Variants in SDC2 observed in about 807,000 individuals in gnomAD.
SDC2 encodes the protein syndecan 2.
In SDC2, 13 loss-of-function variants were observed where a neutral mutation model predicts 22.2. That is an observed-to-expected ratio of 0.59 (90% CI 0.38 to 0.93). SDC2 has a LOEUF of 0.93. Ranked by LOEUF, SDC2 falls within the 40% of genes least tolerant of loss-of-function variation. SDC2 has a pLI of 0.00. For synonymous variants in SDC2, 94 were observed against 92.8 expected (o/e 1.01, Z -0.07); for missense variants, 235 against 246.8 (o/e 0.95, Z 0.32).
intron 1 of SDC2, among the ~76,000 whole-genome samples, chr8:96,535,606 T>C (rs927122949): frequency 6.6e-6 from 1 of 152,194 alleles, no homozygotes; most frequent in African/African-American, 2.4e-5. Context: ...GGAATTCCTG[T>C]GATTTTAGGG....
chr8:96,511,281 T>A (rs1039876233), intron 1 of SDC2, among the ~76,000 whole-genome samples: 6 of 152,170 alleles, frequency 3.9e-5, no homozygotes, highest in Non-Finnish European at 8.8e-5. Flanking sequence ...GATTCCAGTG[T>A]TCAGTCAGGA....
chr8:96,555,354 A>G (rs1165275263), intron 1 of SDC2, among the ~76,000 whole-genome samples: 1 of 152,160 alleles, frequency 6.6e-6, no homozygotes, highest in African/African-American at 2.4e-5. Context: ...GATTTGAACA[A>G]ATTAGGAATC....
chr8:96,538,514 G>A (rs2130505443), intron 1 of SDC2, among the ~76,000 whole-genome samples: 1 of 97,544 alleles, frequency 1.0e-5, no homozygotes. Flanking sequence ...AGCATATAGA[G>A]GTATTTTTTT....
chr8:96,548,946 G>A lies in SDC2; in HGVS notation c.61-44534G>A, dbSNP rs550560953. On this transcript the variant is annotated intron_variant, in intron 1 of 4. Transcript: ENST00000302190. ...CTTCCTAGAGCATTCTAGAAAACAG[G>A]GTACACGTGGAGTAGATGCCATATT... Among the ~76,000 whole-genome samples the A allele has an allele frequency of 9.2e-5, 14 of 152,268 alleles. No homozygotes were observed. The South Asian group carries it at 2.9e-3, about 32-fold the overall frequency.
At chr8:96,582,273 G>A (rs542910094) in intron 1 of SDC2, among the ~76,000 whole-genome samples, 1 of 151,394 alleles carries the variant, frequency 6.6e-6, no homozygotes, top group South Asian at 2.1e-4. Flanking sequence ...AGAACCCAGG[G>A]CTATGAGTCT....
intron 1 of SDC2, among the ~76,000 whole-genome samples, chr8:96,504,231 G>A (rs1255745742): frequency 6.6e-6 from 1 of 152,188 alleles, no homozygotes; most frequent in African/African-American, 2.4e-5. Flanking sequence ...ACATGTTTAG[G>A]AACCAAAAGG....
intron 1 of SDC2, among the ~76,000 whole-genome samples, chr8:96,541,668 C>A (rs1391720484): frequency 1.4e-5 from 2 of 146,166 alleles, no homozygotes; most frequent in African/African-American, 4.9e-5. Flanking sequence ...GCAGAAAGTA[C>A]AATGGCGGCT....
intron 2 of SDC2, among the ~76,000 whole-genome samples, chr8:96,595,268 C>T (rs1431372237): frequency 6.6e-6 from 1 of 152,154 alleles, no homozygotes; most frequent in African/African-American, 2.4e-5. Flanking sequence ...TCAGTTGTGT[C>T]TTTGGTAGAA....
intron 1 of SDC2, among the ~76,000 whole-genome samples, chr8:96,574,030 C>T (rs1004739496): frequency 6.7e-6 from 1 of 149,520 alleles, no homozygotes; most frequent in Non-Finnish European, 1.5e-5. Context: ...GCCCTCTGCA[C>T]CCCCTCCCCT....
chr8:96,607,945 A>T (rs1376533089), intron 3 of SDC2, among the ~76,000 whole-genome samples: 3 of 152,136 alleles, frequency 2.0e-5, no homozygotes, highest in Non-Finnish European at 4.4e-5. Context: ...TGTGTAGTTC[A>T]GAAGTGAAGG....
At chr8:96,579,951 G>T (rs536295234) in intron 1 of SDC2, among the ~76,000 whole-genome samples, 1 of 152,176 alleles carries the variant, frequency 6.6e-6, no homozygotes, top group Admixed American at 6.5e-5. Context: ...AAAGGGAAAA[G>T]AATCAATATT....
chr8:96,539,026 G>C lies in SDC2; in HGVS notation c.60+44695G>C, dbSNP rs537481165. Among the ~76,000 whole-genome samples the C allele has an allele frequency of 3.9e-5, 6 of 152,338 alleles. No homozygotes were observed. The East Asian group carries it at 5.8e-4, about 15-fold the overall frequency. On this transcript the variant is annotated intron_variant, in intron 1 of 4. Transcript: ENST00000302190. ...TAGGGTGTATTCCTTTAATCTGTATGTGTTGGGAAATGATTTGTGTGTCTG... is the reference window on the plus strand; with the variant it reads ...TAGGGTGTATTCCTTTAATCTGTATCTGTTGGGAAATGATTTGTGTGTCTG...
chr8:96,521,985 A>G (rs1229168735), intron 1 of SDC2, among the ~76,000 whole-genome samples: 1 of 152,192 alleles, frequency 6.6e-6, no homozygotes, highest in Non-Finnish European at 1.5e-5. Context: ...TAATTATGAG[A>G]TTTTAAATTG....
chr8:96,606,459 T>C (rs529660022), intron 3 of SDC2, among the ~76,000 whole-genome samples: 1 of 152,310 alleles, frequency 6.6e-6, no homozygotes, highest in African/African-American at 2.4e-5. Flanking sequence ...TGAATGGGAC[T>C]TCTCTAATCC....
intron 1 of SDC2, among the ~76,000 whole-genome samples, chr8:96,510,112 A>T (rs1813305836): frequency 6.6e-6 from 1 of 152,202 alleles, no homozygotes; most frequent in Admixed American, 6.5e-5. Context: ...GGTTACAGAA[A>T]AGCATGTTTG....
intron 1 of SDC2, among the ~76,000 whole-genome samples, chr8:96,555,174 ACC>A (rs1304175393): frequency 1.3e-5 from 2 of 151,922 alleles, no homozygotes; most frequent in Admixed American, 6.6e-5. Flanking sequence ...CCAGTTTTTT[ACC>A]CATTGTATTC....
chr8:96,549,442 T>C (rs1813990140), intron 1 of SDC2, among the ~76,000 whole-genome samples: 1 of 152,124 alleles, frequency 6.6e-6, no homozygotes, highest in African/African-American at 2.4e-5. Context: ...ACCACAGTCT[T>C]TATCTTTGAG....
intron 1 of SDC2, among the ~76,000 whole-genome samples, chr8:96,504,789 T>C (rs1034249135): frequency 3.9e-5 from 6 of 152,258 alleles, no homozygotes; most frequent in Non-Finnish European, 5.9e-5. Flanking sequence ...TTTTTATTTT[T>C]ATTTTGTATT....
intron 1 of SDC2, among the ~76,000 whole-genome samples, chr8:96,557,627 G>A (rs1814139052): frequency 1.3e-5 from 2 of 151,942 alleles, no homozygotes; most frequent in Non-Finnish European, 2.9e-5. Flanking sequence ...GACTGTGGTG[G>A]GGTGGGGGGA....
Sources: gnomAD v4.1 joint callset for allele counts (sites outside exome capture counted in the v4.1 genomes callset) on GRCh38, gnomAD v4.1.1 for gene constraint, MANE v1.5 for transcripts, NCBI Gene and HGNC (gene_info 2026-07-23, HGNC 2026-07-21) for gene names.